Variants in AGBL1 observed in about 807,000 individuals in gnomAD.
AGBL1 encodes the protein AGBL carboxypeptidase 1.
A neutral mutation model predicts 118.9 loss-of-function variants in AGBL1; 130 were observed. The observed-to-expected ratio is 1.09, with a 90% confidence interval of 0.95 to 1.26. The LOEUF (loss-of-function observed/expected upper bound fraction) is 1.26, where lower values mean the gene tolerates loss of function less well. AGBL1 is among the 50% of genes most tolerant of loss of function. The pLI is 0.00. For synonymous variants in AGBL1, 555 were observed against 478.9 expected (o/e 1.16, Z -2.08); for missense variants, 1,584 against 1,298.1 (o/e 1.22, Z -3.38).
chr15:86,088,339 C>G (rs529678625), intron 1 of AGBL1: 1 of 152,368 alleles, frequency 6.6e-6, no homozygotes, highest in Non-Finnish European at 1.5e-5. Context: ...CCCAGGGTGC[C>G]CTTCCTGTAA....
chr15:86,633,800 T>G (rs1382754221), intron 21 of AGBL1, among the ~76,000 whole-genome samples: 10 of 11,090 alleles, frequency 9.0e-4, no homozygotes, highest in Admixed American at 6.8e-3. Context: ...ATATATAATG[T>G]ATATATATAT....
chr15:86,214,927 C>T (rs948473508), intron 5 of AGBL1, among the ~76,000 whole-genome samples: 3 of 152,124 alleles, frequency 2.0e-5, no homozygotes, highest in Admixed American at 1.3e-4. Context: ...AAAAATTTCC[C>T]GTGATTGATG....
At chr15:86,892,202 C>A (rs977650231) in intron 22 of AGBL1, among the ~76,000 whole-genome samples, 1 of 152,180 alleles carries the variant, frequency 6.6e-6, no homozygotes, top group African/African-American at 2.4e-5. Flanking sequence ...TCTCCCACTT[C>A]CTTCCTGTTT....
At chr15:87,012,559 T>C (rs1342421523) in intron 24 of AGBL1, among the ~76,000 whole-genome samples, 1 of 152,084 alleles carries the variant, frequency 6.6e-6, no homozygotes, top group African/African-American at 2.4e-5. Flanking sequence ...GGAAACAGAA[T>C]GATGGGGAAT....
At chr15:86,869,668 A>G (rs2079690387) in intron 22 of AGBL1, among the ~76,000 whole-genome samples, 1 of 152,238 alleles carries the variant, frequency 6.6e-6, no homozygotes, top group Non-Finnish European at 1.5e-5. Context: ...AATGCTTCCT[A>G]ATAATAGTAA....
intron 1 of AGBL1, chr15:86,104,977 T>A (rs939968010): frequency 5.9e-5 from 9 of 152,114 alleles, no homozygotes; most frequent in Admixed American, 5.9e-4. Context: ...CTTCCCTGCA[T>A]TGGGGAGCCT....
At position 86,544,959 on chromosome 15, in the gene AGBL1, A is replaced by T. The variant is rs2346723; in HGVS notation, c.2686-1043A>T. 2.0e-3 allele frequency among the ~76,000 whole-genome samples: 307 copies of T among 152,318 alleles called. 7 individuals are homozygous for T. In the East Asian group the frequency reaches 0.051, roughly 26 times the overall value. ...TCTCCTTATAATAAGATTTTGCATCACTGCCCTTGTCATATGATTTGCAGA... is the reference window on the plus strand; with the variant it reads ...TCTCCTTATAATAAGATTTTGCATCTCTGCCCTTGTCATATGATTTGCAGA... On this transcript the variant is annotated intron_variant, in intron 19 of 22. Coordinates refer to ENST00000614907, the MANE Select transcript of AGBL1 (RefSeq NM_001386094.1).
intron 1 of AGBL1, among the ~76,000 whole-genome samples, chr15:86,087,403 A>C (rs560331912): frequency 6.8e-6 from 1 of 147,976 alleles, no homozygotes; most frequent in Middle Eastern, 3.3e-3. Flanking sequence ...ATCTCGGCTC[A>C]CTGCAATCTC....
intron 5 of AGBL1, among the ~76,000 whole-genome samples, chr15:86,175,041 C>A (rs1475896303): frequency 4.6e-5 from 7 of 152,012 alleles, no homozygotes; most frequent in Non-Finnish European, 1.0e-4. Context: ...GAAGAATTCC[C>A]TCCTCTTTAA....
At chr15:86,196,879 G>GCGCGCACACACACACACA (rs756313941) in intron 5 of AGBL1, among the ~76,000 whole-genome samples, 2 of 116,960 alleles carry the variant, frequency 1.7e-5, no homozygotes, top group African/African-American at 3.6e-5. Context: ...GCGCGCGCGC[G>GCGCGCACACACACACACA]CACACACACA....
chr15:86,223,290 G>C (rs2078307324), intron 5 of AGBL1, among the ~76,000 whole-genome samples: 1 of 152,154 alleles, frequency 6.6e-6, no homozygotes, highest in African/African-American at 2.4e-5. Flanking sequence ...CTCTGAACTA[G>C]GATTGGGTTA....
chr15:86,844,016 G>A (rs58180668), intron 22 of AGBL1, among the ~76,000 whole-genome samples: 18,710 of 152,016 alleles, frequency 0.12, 1,492 homozygotes, highest in Non-Finnish European at 0.16. Flanking sequence ...CCTTCACATG[G>A]CATAAGGTTT....
chr15:86,968,721 T>A (rs1168957168), intron 23 of AGBL1, among the ~76,000 whole-genome samples: 1 of 151,922 alleles, frequency 6.6e-6, no homozygotes, highest in Admixed American at 6.6e-5. Flanking sequence ...CAGGCTGCTA[T>A]AACAAAATGG....
chr15:86,377,799 G>T (rs1230191883), intron 17 of AGBL1, among the ~76,000 whole-genome samples: 4 of 152,148 alleles, frequency 2.6e-5, no homozygotes, highest in Non-Finnish European at 5.9e-5. Context: ...AGGACCTGGT[G>T]ATTTGGAGGT....
At chr15:86,184,095 A>T (rs1431387650) in intron 5 of AGBL1, among the ~76,000 whole-genome samples, 1 of 152,186 alleles carries the variant, frequency 6.6e-6, no homozygotes, top group South Asian at 2.1e-4. Context: ...ATTGATAGAG[A>T]TGTGATTTCC....
At chr15:86,267,471 G>T (rs2079092881) in intron 13 of AGBL1, among the ~76,000 whole-genome samples, 2 of 152,154 alleles carry the variant, frequency 1.3e-5, no homozygotes, top group Non-Finnish European at 2.9e-5. Context: ...GGGTACATGG[G>T]CTTGCTATTC....
intron 22 of AGBL1, among the ~76,000 whole-genome samples, chr15:86,816,541 A>T (rs148946519): frequency 2.0e-5 from 3 of 152,242 alleles, no homozygotes; most frequent in Non-Finnish European, 4.4e-5. Context: ...CGCTGTTAAG[A>T]GAAGGTGACA....
chr15:86,153,354 C>A lies in AGBL1; in HGVS notation c.263-1076C>A, dbSNP rs556950630. On this transcript the variant is annotated intron_variant, in intron 3 of 22. Coordinates refer to ENST00000614907, the MANE Select transcript of AGBL1 (RefSeq NM_001386094.1). Reference sequence around the variant, plus strand: ...CCATAAAAAAGGATGAGTTTATTTCCTTTGCAGGGACATGGATGAAGCTGG... The same window carrying A: ...CCATAAAAAAGGATGAGTTTATTTCATTTGCAGGGACATGGATGAAGCTGG... Among the ~76,000 whole-genome samples, 573 of 152,300 alleles carry A rather than the reference C, an allele frequency of 3.8e-3. 5 individuals carry two copies. Among genetic ancestry groups the A allele is most frequent in the African/African-American group, 0.013 (546 of 41,556 alleles).
intron 22 of AGBL1, among the ~76,000 whole-genome samples, chr15:86,746,484 C>T (rs1040277339): frequency 6.6e-6 from 1 of 151,968 alleles, no homozygotes; most frequent in African/African-American, 2.4e-5. Flanking sequence ...TTGCACAGAG[C>T]TCAGGCCTAG....
Sources: allele counts gnomAD v4.1 joint callset (sites outside exome capture counted in the v4.1 genomes callset), GRCh38; gene constraint gnomAD v4.1.1; transcripts MANE v1.5; gene names NCBI Gene and HGNC (gene_info 2026-07-23, HGNC 2026-07-21).